The following DENND1A variants were observed in gnomAD, a reference collection of about 807,000 sequenced individuals.
DENND1A encodes DENN domain containing 1A.
DENND1A carries 51 observed loss-of-function variants against 113.7 expected under a neutral mutation model. The observed-to-expected ratio is 0.45, with a 90% confidence interval of 0.36 to 0.57. DENND1A has a LOEUF of 0.57. Ranked by LOEUF, DENND1A falls within the 20% of genes least tolerant of loss-of-function variation. DENND1A has a pLI of 0.00. For synonymous variants in DENND1A, 565 were observed against 570.8 expected (o/e 0.99, Z 0.14); for missense variants, 1,258 against 1,395.9 (o/e 0.90, Z 1.57).
At position 123,904,667 on chromosome 9, in the gene DENND1A, T is replaced by TA. The variant is rs1428976445; in HGVS notation, c.17+25221dup. On this transcript the variant is annotated intron_variant, in intron 1 of 23. Transcript: ENST00000394215. ...GAAGGGAAGTTTAGAGAAAAAAGAATAAAAAGAAATGAGCAAAGCCTCCAA... is the reference window on the plus strand; with the variant it reads ...GAAGGGAAGTTTAGAGAAAAAAGAATAAAAAAGAAATGAGCAAAGCCTCCAA... Among the ~76,000 whole-genome samples the TA allele has an allele frequency of 2.7e-5, 4 of 150,010 alleles. No homozygotes were observed. In the South Asian group the frequency reaches 8.4e-4, roughly 32 times the overall value.
chr9:123,563,094 G>C (rs1278401360), intron 12 of DENND1A, among the ~76,000 whole-genome samples: 9 of 152,216 alleles, frequency 5.9e-5, no homozygotes, highest in Admixed American at 1.3e-4. Context: ...GATGGGAAGA[G>C]AAAGTGATAT....
chr9:123,925,773 AAG>A (rs765350341), intron 1 of DENND1A, among the ~76,000 whole-genome samples: 7 of 152,228 alleles, frequency 4.6e-5, no homozygotes, highest in Non-Finnish European at 1.0e-4. Context: ...ACAGGGACAG[AAG>A]ACAGGTATAC....
At chr9:123,737,617 TAA>T (rs762546428) in intron 5 of DENND1A, among the ~76,000 whole-genome samples, 53 of 152,228 alleles carry the variant, frequency 3.5e-4, no homozygotes, top group Admixed American at 1.8e-3. Flanking sequence ...CCTCGATCTT[TAA>T]AAGAGTATTA....
intron 18 of DENND1A, among the ~76,000 whole-genome samples, chr9:123,447,658 T>C (rs993255534): frequency 6.6e-6 from 1 of 152,008 alleles, no homozygotes; most frequent in African/African-American, 2.4e-5. Flanking sequence ...CATTTGAAAA[T>C]TGGATCTTTG....
intron 5 of DENND1A, among the ~76,000 whole-genome samples, chr9:123,702,883 A>C (rs2065964034): frequency 6.6e-6 from 1 of 152,260 alleles, no homozygotes; most frequent in South Asian, 2.1e-4. Flanking sequence ...GTAAGTATAC[A>C]GTCAAATTTA....
chr9:123,392,258 C>T (rs1323299409), intron 21 of DENND1A, among the ~76,000 whole-genome samples: 3 of 152,044 alleles, frequency 2.0e-5, no homozygotes, highest in African/African-American at 7.2e-5. Flanking sequence ...TGTCACATCG[C>T]GTGGACAAAT....
intron 13 of DENND1A, among the ~76,000 whole-genome samples, chr9:123,532,123 A>G (rs554436569): frequency 6.6e-6 from 1 of 152,378 alleles, no homozygotes; most frequent in African/African-American, 2.4e-5. Context: ...GAATCAAATG[A>G]AATGAAATTC....
chr9:123,735,178 G>A (rs931893812), intron 5 of DENND1A, among the ~76,000 whole-genome samples: 6 of 152,032 alleles, frequency 3.9e-5, no homozygotes, highest in African/African-American at 1.4e-4. Flanking sequence ...TTAACCAGGT[G>A]ATAAAAATTA....
intron 5 of DENND1A, among the ~76,000 whole-genome samples, chr9:123,720,095 A>T (rs890158183): frequency 6.6e-6 from 1 of 152,206 alleles, no homozygotes; most frequent in African/African-American, 2.4e-5. Context: ...ATACTCAATT[A>T]CCCAGTTCCC....
intron 1 of DENND1A, among the ~76,000 whole-genome samples, chr9:123,881,187 A>T (rs1588065607): frequency 6.6e-6 from 1 of 152,164 alleles, no homozygotes; most frequent in Admixed American, 6.5e-5. Flanking sequence ...TAAAAAAATT[A>T]AGTAAACTGA....
At chr9:123,746,181 A>G (rs1474394567) in intron 5 of DENND1A, among the ~76,000 whole-genome samples, 1 of 152,220 alleles carries the variant, frequency 6.6e-6, no homozygotes, top group East Asian at 1.9e-4. Context: ...CACAATTTAC[A>G]AAAGGGAAAA....
intron 1 of DENND1A, among the ~76,000 whole-genome samples, chr9:123,913,113 TAAAAAA>T (rs915063969): frequency 1.2e-5 from 1 of 86,712 alleles, no homozygotes; most frequent in Non-Finnish European, 2.3e-5. Flanking sequence ...AAAGACAGTT[TAAAAAA>T]AAAAAAAAAA....
chr9:123,390,422 G>T (rs1323666646), intron 21 of DENND1A, among the ~76,000 whole-genome samples: 1 of 152,252 alleles, frequency 6.6e-6, no homozygotes, highest in Non-Finnish European at 1.5e-5. Flanking sequence ...ATGTTTGAAG[G>T]TGAGGGTGTC....
chr9:123,738,190 A>G (rs2068712944), intron 5 of DENND1A, among the ~76,000 whole-genome samples: 1 of 152,222 alleles, frequency 6.6e-6, no homozygotes, highest in South Asian at 2.1e-4. Context: ...TGTTCGTTGC[A>G]TACACAAAAT....
intron 12 of DENND1A, among the ~76,000 whole-genome samples, chr9:123,574,588 C>A (rs904976805): frequency 6.6e-6 from 1 of 152,092 alleles, no homozygotes; most frequent in African/African-American, 2.4e-5. Context: ...ACAAAGAGGA[C>A]CCATATTCTC....
At chr9:123,576,203 G>A (rs7020626) in intron 12 of DENND1A, among the ~76,000 whole-genome samples, 79,060 of 152,018 alleles carry the variant, frequency 0.52, 24,034 homozygotes, top group African/African-American at 0.85. Context: ...TACAGGTAAC[G>A]TAACAACCTT....
intron 8 of DENND1A, among the ~76,000 whole-genome samples, chr9:123,655,560 G>A (rs2062899099): frequency 6.6e-6 from 1 of 152,222 alleles, no homozygotes; most frequent in Admixed American, 6.5e-5. Context: ...CGGAGGGAGG[G>A]AGGGGTGACT....
chr9:123,622,721 T>C (rs2061018826), intron 10 of DENND1A, among the ~76,000 whole-genome samples: 2 of 152,204 alleles, frequency 1.3e-5, no homozygotes, highest in African/African-American at 2.4e-5. Context: ...AATTTCCTAA[T>C]ATATACAATG....
chr9:123,414,437 A>G, intron 19 of DENND1A: 1 of 1,467,218 alleles, frequency 6.8e-7, no homozygotes, highest in Non-Finnish European at 9.0e-7. Context: ...AGATGAAATC[A>G]TCTCAGTGGA....
Sources: allele counts gnomAD v4.1 joint callset (sites outside exome capture counted in the v4.1 genomes callset), GRCh38; gene constraint gnomAD v4.1.1; transcripts MANE v1.5; gene names NCBI Gene and HGNC (gene_info 2026-07-23, HGNC 2026-07-21).